SCHIP1: variants seen among roughly 807,000 people sequenced by gnomAD.
SCHIP1 encodes the protein schwannomin interacting protein 1.
In SCHIP1, 8 loss-of-function variants were observed where a neutral mutation model predicts 29.7. That is an observed-to-expected ratio of 0.27 (90% CI 0.16 to 0.49). The LOEUF (loss-of-function observed/expected upper bound fraction) is 0.49, where lower values mean the gene tolerates loss of function less well. Ranked by LOEUF, SCHIP1 falls within the 20% of genes least tolerant of loss-of-function variation. The pLI is 0.99. For missense variants in SCHIP1, 193 were observed against 294.6 expected (o/e 0.66, Z 2.52); for synonymous variants, 76 against 94.9 (o/e 0.80, Z 1.16).
the SCHIP1 span, among the ~76,000 whole-genome samples, chr3:159,504,616 C>T: frequency 6.6e-6 from 1 of 152,080 alleles, no homozygotes; most frequent in Non-Finnish European, 1.5e-5. Flanking sequence ...GTCTGATTAG[C>T]CCATTAGACT....
At chr3:159,852,331 A>T (rs1712757814) in intron 1 of SCHIP1, among the ~76,000 whole-genome samples, 1 of 152,212 alleles carries the variant, frequency 6.6e-6, no homozygotes, top group East Asian at 1.9e-4. Context: ...TGCCCTTTGA[A>T]TTCTTTTCTG....
At chr3:159,273,278 A>G in the SCHIP1 span, 4 of 985,890 alleles carry the variant, frequency 4.1e-6, no homozygotes, top group Non-Finnish European at 4.8e-6. Context: ...ACAGAGCCTG[A>G]TTTCTGCTGT....
chr3:159,437,153 C>T, the SCHIP1 span, among the ~76,000 whole-genome samples: 1,568 of 152,160 alleles, frequency 0.01, 32 homozygotes, highest in African/African-American at 0.036. Context: ...CCTTATCAAG[C>T]CCTTGTTCTT....
chr3:159,659,327 GCT>G, the SCHIP1 span, among the ~76,000 whole-genome samples: 1 of 152,222 alleles, frequency 6.6e-6, no homozygotes, highest in Non-Finnish European at 1.5e-5. Context: ...TGTCTGCTGT[GCT>G]CTCTGTTGTG....
chr3:159,757,519 T>C, the SCHIP1 span, among the ~76,000 whole-genome samples: 1 of 152,166 alleles, frequency 6.6e-6, no homozygotes, highest in South Asian at 2.1e-4. Flanking sequence ...GATGCCTTTG[T>C]GCTGTGTGGT....
the SCHIP1 span, among the ~76,000 whole-genome samples, chr3:159,358,959 TGCTCTGTTGCCAGGC>T: frequency 1.4e-5 from 2 of 145,554 alleles, no homozygotes; most frequent in Non-Finnish European, 3.0e-5. Flanking sequence ...GACAGAGTCT[TGCTCTGTTGCCAGGC>T]TGGAGTGCAG....
At chr3:159,592,848 C>A in the SCHIP1 span, among the ~76,000 whole-genome samples, 35 of 152,122 alleles carry the variant, frequency 2.3e-4, no homozygotes, top group Admixed American at 2.3e-3. Context: ...TCCTGCTCAT[C>A]TAAGTAGCAA....
the SCHIP1 span, among the ~76,000 whole-genome samples, chr3:159,766,456 C>A: frequency 6.6e-6 from 1 of 152,160 alleles, no homozygotes; most frequent in Admixed American, 6.5e-5. Flanking sequence ...GGAATCTTTC[C>A]ATTACAGTCA....
chr3:159,523,852 C>T, the SCHIP1 span, among the ~76,000 whole-genome samples: 4 of 152,336 alleles, frequency 2.6e-5, no homozygotes, highest in South Asian at 6.2e-4. Context: ...TCCAATTATT[C>T]CTACAGCTCA....
the SCHIP1 span, among the ~76,000 whole-genome samples, chr3:159,620,376 T>C: frequency 6.6e-6 from 1 of 152,212 alleles, no homozygotes; most frequent in Admixed American, 6.5e-5. Flanking sequence ...AACTCCATGA[T>C]AGGCCATGCA....
the SCHIP1 span, among the ~76,000 whole-genome samples, chr3:159,394,354 G>A: frequency 6.6e-6 from 1 of 152,156 alleles, no homozygotes; most frequent in Non-Finnish European, 1.5e-5. Context: ...ACACTATGTT[G>A]AATAGGAGTG....
chr3:159,445,184 AAAAC>A, the SCHIP1 span, among the ~76,000 whole-genome samples: 19 of 152,210 alleles, frequency 1.2e-4, no homozygotes, highest in Non-Finnish European at 2.1e-4. Context: ...TTACAAGAAA[AAAAC>A]AAACAACCCC....
At chr3:159,888,775 T>A in intron 4 of SCHIP1, 45 bp from the exon 6 acceptor site, 1 of 1,607,402 alleles carries the variant, frequency 6.2e-7, no homozygotes, top group African/African-American at 1.3e-5. Context: ...TCAGTGTGTT[T>A]GTGGCTCTGT....
At chr3:159,694,954 AG>A in the SCHIP1 span, among the ~76,000 whole-genome samples, 1 of 152,196 alleles carries the variant, frequency 6.6e-6, no homozygotes, top group Non-Finnish European at 1.5e-5. Context: ...TAGTAGGCTG[AG>A]TTATTTAGAA....
chr3:159,312,614 A>ATC, the SCHIP1 span, among the ~76,000 whole-genome samples: 95 of 151,744 alleles, frequency 6.3e-4, 1 homozygote, highest in South Asian at 0.011. Flanking sequence ...GCACCTATCA[A>ATC]TCTCTCTCTC....
chr3:159,577,313 T>A, the SCHIP1 span, among the ~76,000 whole-genome samples: 1 of 152,194 alleles, frequency 6.6e-6, no homozygotes, highest in African/African-American at 2.4e-5. Context: ...GAATTTACAC[T>A]CTGTGCTTTA....
the SCHIP1 span, among the ~76,000 whole-genome samples, chr3:159,371,282 C>G: frequency 6.6e-6 from 1 of 152,096 alleles, no homozygotes. Context: ...GAATCCTAAC[C>G]CTAGGGGAGG....
the SCHIP1 span, among the ~76,000 whole-genome samples, chr3:159,359,674 G>A: frequency 9.9e-5 from 15 of 152,272 alleles, no homozygotes; most frequent in African/African-American, 3.4e-4. Flanking sequence ...GTCAGGTGGG[G>A]TAAAGTGGGG....
chr3:159,889,229 T>C (rs980965807), intron 5 of SCHIP1, among the ~76,000 whole-genome samples: 2 of 152,240 alleles, frequency 1.3e-5, no homozygotes, highest in Non-Finnish European at 2.9e-5. Flanking sequence ...AACACCTGTT[T>C]CTGGAACACA....
Sources: gnomAD v4.1 joint callset for allele counts (sites outside exome capture counted in the v4.1 genomes callset) on GRCh38, gnomAD v4.1.1 for gene constraint, MANE v1.5 for transcripts, NCBI Gene and HGNC (gene_info 2026-07-23, HGNC 2026-07-21) for gene names.